The following SYNE1 variants were observed in gnomAD, a reference collection of about 807,000 sequenced individuals.
The protein encoded by SYNE1 is nesprin-1.
A neutral mutation model predicts 1,111.0 loss-of-function variants in SYNE1; 616 were observed. The observed-to-expected ratio is 0.55, with a 90% CI of 0.52 to 0.59. The LOEUF is 0.59. SYNE1 is among the 20% of genes least tolerant of loss of function. The probability of loss-of-function intolerance (pLI) is 0.00; values close to 1 mark genes in which losing one functional copy is unlikely to be tolerated. For missense variants in SYNE1, 10,006 were observed against 10,417.0 expected (o/e 0.96, Z 1.72); for synonymous variants, 3,855 against 3,825.8 (o/e 1.01, Z -0.28).
chr6:152,165,524 T>G (rs1051410470), intron 130 of SYNE1, among the ~76,000 whole-genome samples: 19 of 152,214 alleles, frequency 1.2e-4, no homozygotes, highest in African/African-American at 4.6e-4. Flanking sequence ...TTTCAGTTTG[T>G]AAAAACCCTC....
chr6:152,208,954 C>CCT (rs147374236), intron 124 of SYNE1, among the ~76,000 whole-genome samples: 2,825 of 152,228 alleles, frequency 0.019, 81 homozygotes, highest in African/African-American at 0.064. Flanking sequence ...TGTGTTCTTA[C>CCT]CTCTCTGTTT....
intron 97 of SYNE1, among the ~76,000 whole-genome samples, chr6:152,278,792 G>A (rs1179199819): frequency 6.6e-6 from 1 of 151,858 alleles, no homozygotes; most frequent in African/African-American, 2.4e-5. Context: ...TTTTGAGGGA[G>A]GGTCTTGTTC....
rs1214936368 is a variant in SYNE1 at position 152,376,428 on chromosome 6, T to C, written c.9277A>G (p.Ile3093Val). ...GAAACTTCACTTATATTTTGAGGTATATCAAAACACTTGGCGGTAGTGATT... is the reference window on the plus strand; with the variant it reads ...GAAACTTCACTTATATTTTGAGGTACATCAAAACACTTGGCGGTAGTGATT... Reference protein sequence around the residue: ...AKITTAKCFDIPQNISEVSTS... With the variant: ...AKITTAKCFDVPQNISEVSTS... The change falls in exon 58 of 146, where the codon ATA (isoleucine) becomes GTA (valine). Residue 3093 changes from isoleucine to valine, a missense_variant. By Grantham distance (29) the Ile-to-Val change is conservative (BLOSUM62 3). Around this residue, in one of 7 missense-constraint regions of SYNE1, gnomAD observed 4,955 missense variants for 5,017.2 expected, o/e 0.99. Transcript: ENST00000367255. The C allele has an allele frequency of 6.8e-6, 11 of 1,614,134 alleles. No individual in the cohort carries two copies. Among genetic ancestry groups the C allele is most frequent in the African/African-American group, 6.7e-5 (5 of 74,954 alleles).
chr6:152,219,882 A>C (rs1343324175), intron 119 of SYNE1, among the ~76,000 whole-genome samples: 2 of 152,180 alleles, frequency 1.3e-5, no homozygotes, highest in East Asian at 3.8e-4. Flanking sequence ...TATCATTGAG[A>C]GATAATAAGT....
chr6:152,537,564 G>A (rs959212432), intron 4 of SYNE1, among the ~76,000 whole-genome samples: 1 of 151,772 alleles, frequency 6.6e-6, no homozygotes, highest in African/African-American at 2.4e-5. Context: ...ATAAAGAAAT[G>A]TTACACTAGA....
intron 59 of SYNE1, among the ~76,000 whole-genome samples, chr6:152,372,056 G>T (rs1056702586): frequency 2.0e-5 from 3 of 152,092 alleles, no homozygotes; most frequent in Non-Finnish European, 4.4e-5. Context: ...TAAGAAAACA[G>T]GCAATTCATG....
chr6:152,629,169 A>G (rs988850045), intron 2 of SYNE1, among the ~76,000 whole-genome samples: 2 of 152,112 alleles, frequency 1.3e-5, no homozygotes, highest in African/African-American at 4.8e-5. Context: ...TGGGTGAAGC[A>G]GAGTGGACAT....
chr6:152,153,364 A>C (rs2060787362), intron 133 of SYNE1, among the ~76,000 whole-genome samples: 1 of 152,082 alleles, frequency 6.6e-6, no homozygotes, highest in Non-Finnish European at 1.5e-5. Flanking sequence ...GTCCATCCCA[A>C]ACGTTCATGC....
chr6:152,149,747 C>T, intron 135 of SYNE1, 79 bp from the exon 136 acceptor site: 1 of 1,277,872 alleles, frequency 7.8e-7, no homozygotes, highest in East Asian at 2.3e-5. Flanking sequence ...AGATGTATTT[C>T]TCATTACATT....
Position 152,163,988 on chromosome 6 carries a change from A to G in SYNE1, c.23790+175T>C, listed in dbSNP as rs146467447. On this transcript the variant is annotated intron_variant, in intron 131 of 145. Transcript: ENST00000367255. ...TTGTAAGGCTGAACTCTGCAGTGAC[A>G]TGGAACCTGTTGGCCTCAATCGCCT... Among the ~76,000 whole-genome samples, 147 of 152,304 alleles carry G rather than the reference A, an allele frequency of 9.7e-4. 1 individual carries two copies. Among genetic ancestry groups the G allele is most frequent in the South Asian group, 2.9e-3 (14 of 4,818 alleles).
In SYNE1 at chr6:152,364,994, T is replaced by A; in HGVS notation, c.9998A>T (p.Lys3333Ile). 1 of 1,614,226 alleles carries A rather than the reference T, an allele frequency of 6.2e-7. No homozygotes were observed. The highest frequency in any genetic ancestry group is 1.3e-5 in the African/African-American group (1 of 75,058). Reference protein sequence around the residue: ...LEALLSVKQEKEIQMKMIVTR... With the variant: ...LEALLSVKQEIEIQMKMIVTR... ...CACTATCATTTTCATCTGAATCTCT[T>A]TTTCCTGTTTGACTGATAATAGAGC... The change falls in exon 63 of 146, where the codon AAA becomes ATA. Residue 3333 changes from lysine to isoleucine, a missense_variant. Physicochemically the swap from Lys to Ile is moderately radical, Grantham distance 102 (BLOSUM62 -3). Around this residue, in one of 7 missense-constraint regions of SYNE1, gnomAD observed 4,955 missense variants for 5,017.2 expected, o/e 0.99. Coordinates refer to ENST00000367255, the MANE Select transcript of SYNE1 (RefSeq NM_182961.4).
chr6:152,375,493 C>T (rs578153826), intron 58 of SYNE1, among the ~76,000 whole-genome samples: 2 of 151,882 alleles, frequency 1.3e-5, no homozygotes, highest in Non-Finnish European at 2.9e-5. Context: ...CATACAGGTA[C>T]GAAAAGCAAT....
At chr6:152,255,164 G>A (rs1456647193) in intron 103 of SYNE1, 75 bp from the exon 104 acceptor site, 1 of 1,278,286 alleles carries the variant, frequency 7.8e-7, no homozygotes, top group Non-Finnish European at 1.1e-6. Context: ...TTTTCTCATA[G>A]AAAGTCAACT....
At chr6:152,502,238 A>G (rs1276397315) in intron 10 of SYNE1, among the ~76,000 whole-genome samples, 3 of 152,202 alleles carry the variant, frequency 2.0e-5, no homozygotes, top group African/African-American at 7.2e-5. Flanking sequence ...CAATAGATGT[A>G]ATAAAATCCA....
Position 152,580,020 on chromosome 6 carries a change from G to C in SYNE1, c.68-39999C>G, listed in dbSNP as rs571320476. Among the ~76,000 whole-genome samples, 16 of 152,196 alleles carry C rather than the reference G, an allele frequency of 1.1e-4. No homozygotes were observed. The South Asian group carries it at 2.7e-3, about 26-fold the overall frequency. On this transcript the variant is annotated intron_variant, in intron 3 of 145. Transcript: ENST00000367255. ...GGTAGAACAATTTATATTCATTTGG[G>C]TATATACCCAGTAATGGGATTGCTG... is the stretch of plus-strand genomic sequence containing the variant.
intron 115 of SYNE1, among the ~76,000 whole-genome samples, chr6:152,229,868 G>A (rs1235316357): frequency 6.6e-6 from 1 of 152,080 alleles, no homozygotes; most frequent in East Asian, 1.9e-4. Flanking sequence ...ATTATGCGTT[G>A]AACATAAAAT....
At chr6:152,483,978 A>G (rs1325075663) in intron 13 of SYNE1, among the ~76,000 whole-genome samples, 1 of 144,908 alleles carries the variant, frequency 6.9e-6, no homozygotes, top group African/African-American at 2.5e-5. Flanking sequence ...AAGATGGATG[A>G]GATGCTTGAG....
chr6:152,433,319 A>G (rs1359438688), intron 34 of SYNE1, among the ~76,000 whole-genome samples: 3 of 152,150 alleles, frequency 2.0e-5, no homozygotes, highest in Non-Finnish European at 4.4e-5. Flanking sequence ...ATAAATGAAA[A>G]CATCATAACC....
intron 98 of SYNE1, among the ~76,000 whole-genome samples, chr6:152,273,304 G>A (rs1382174287): frequency 7.2e-5 from 11 of 152,102 alleles, no homozygotes; most frequent in Admixed American, 1.3e-4. Flanking sequence ...AAGCTTCTTC[G>A]TCTCAAAGAA....
Sources: allele counts gnomAD v4.1 joint callset (sites outside exome capture counted in the v4.1 genomes callset), GRCh38; gene constraint gnomAD v4.1.1; regional missense constraint gnomAD v4.1.1; transcripts MANE v1.5; gene names NCBI Gene and HGNC (gene_info 2026-07-23, HGNC 2026-07-21).